The following CAMK2D variants were observed in gnomAD, a reference collection of about 807,000 sequenced individuals.
CAMK2D encodes calcium/calmodulin-dependent protein kinase type II subunit delta.
Under a neutral mutation model 84.0 loss-of-function variants are expected in CAMK2D, and 37 were observed. The observed-to-expected ratio is 0.44, with a 90% CI of 0.34 to 0.58. The LOEUF (loss-of-function observed/expected upper bound fraction) is 0.58. CAMK2D is among the 20% of genes least tolerant of loss of function. The probability of loss-of-function intolerance (pLI) is 0.02; values close to 1 mark genes in which losing one functional copy is unlikely to be tolerated. For synonymous variants in CAMK2D, 202 were observed against 212.5 expected (o/e 0.95, Z 0.43); for missense variants, 448 against 652.5 (o/e 0.69, Z 3.41).
chr4:113,501,602 C>T (rs950796989), intron 15 of CAMK2D, among the ~76,000 whole-genome samples: 1 of 151,946 alleles, frequency 6.6e-6, no homozygotes, highest in Non-Finnish European at 1.5e-5. Flanking sequence ...TAAAGGTGTA[C>T]CCAGAGTCTC....
chr4:113,696,223 CA>C (rs2099402336), intron 2 of CAMK2D, among the ~76,000 whole-genome samples: 4 of 151,298 alleles, frequency 2.6e-5, no homozygotes, highest in Non-Finnish European at 5.9e-5. Flanking sequence ...CACACACACA[CA>C]CACACACATA....
At chr4:113,596,689 T>C (rs957224512) in intron 4 of CAMK2D, among the ~76,000 whole-genome samples, 2 of 152,158 alleles carry the variant, frequency 1.3e-5, no homozygotes, top group Non-Finnish European at 2.9e-5. Context: ...CCCCAGGCAG[T>C]AGATCTCAAT....
At chr4:113,730,403 T>A (rs1044473006) in intron 2 of CAMK2D, among the ~76,000 whole-genome samples, 3 of 152,202 alleles carry the variant, frequency 2.0e-5, no homozygotes, top group Non-Finnish European at 2.9e-5. Context: ...TAATTTTATA[T>A]CCATAGCAGA....
chr4:113,610,664 T>A (rs1380489114), intron 3 of CAMK2D, among the ~76,000 whole-genome samples: 1 of 152,168 alleles, frequency 6.6e-6, no homozygotes, highest in African/African-American at 2.4e-5. Context: ...GGAGGAGGCC[T>A]ATACTGTAGG....
In CAMK2D at chr4:113,513,837, TTTC is replaced by T; in HGVS notation, c.893_895del (p.Arg298del). 6.5e-7 allele frequency: 1 copy of T among 1,532,408 alleles called. No individual in the cohort carries two copies. Among genetic ancestry groups the T allele is most frequent in the Non-Finnish European group, 9.0e-7 (1 of 1,107,844 alleles). The allele number at this position is 1,532,408 out of a possible 1,614,324, so 94.9% of individuals were successfully genotyped here. ...AAATGTAAAATTTCTTACCTTTAGT[TTTC>T]TTCTAGCATTAAATTTCTTCAAGCA... is the stretch of plus-strand genomic sequence containing the variant. On this transcript the variant is annotated inframe_deletion, in exon 11 of 21. Transcript: ENST00000511664.
At chr4:113,516,627 T>C (rs990651997) in intron 9 of CAMK2D, among the ~76,000 whole-genome samples, 4 of 92,452 alleles carry the variant, frequency 4.3e-5, no homozygotes, top group African/African-American at 3.3e-4. Context: ...TCCATCTAAA[T>C]AGAAAATTTT....
At chr4:113,629,472 CATAT>C (rs2099080807) in intron 3 of CAMK2D, among the ~76,000 whole-genome samples, 1 of 151,814 alleles carries the variant, frequency 6.6e-6, no homozygotes, top group Non-Finnish European at 1.5e-5. Flanking sequence ...TGACTCAATG[CATAT>C]ATAAACAAAT....
intron 4 of CAMK2D, 21 bp downstream of exon 4, chr4:113,609,128 AATG>A (rs779822735): frequency 7.4e-7 from 1 of 1,345,506 alleles, no homozygotes; most frequent in South Asian, 1.2e-5. Flanking sequence ...TTGCAAAAAT[AATG>A]AATACAGAGT....
chr4:113,556,176 G>T (rs1290767972), intron 4 of CAMK2D, among the ~76,000 whole-genome samples: 1 of 152,156 alleles, frequency 6.6e-6, no homozygotes, highest in South Asian at 2.1e-4. Flanking sequence ...GCAACCCTAT[G>T]AAGTAGATAC....
chr4:113,714,032 CTTG>C (rs1593437037), intron 2 of CAMK2D, among the ~76,000 whole-genome samples: 2 of 151,972 alleles, frequency 1.3e-5, no homozygotes, highest in African/African-American at 4.8e-5. Flanking sequence ...TCTTCTATAA[CTTG>C]TTGTAACTTG....
At chr4:113,744,904 T>G (rs2099600911) in intron 2 of CAMK2D, among the ~76,000 whole-genome samples, 1 of 152,214 alleles carries the variant, frequency 6.6e-6, no homozygotes, top group African/African-American at 2.4e-5. Context: ...TGTGTATACC[T>G]CAAATACATA....
At chr4:113,593,327 G>T (rs146706182) in intron 4 of CAMK2D, among the ~76,000 whole-genome samples, 2 of 152,318 alleles carry the variant, frequency 1.3e-5, no homozygotes, top group African/African-American at 4.8e-5. Flanking sequence ...GCAAACTGCT[G>T]CCCCTAAAAT....
At chr4:113,457,123 T>C in intron 19 of CAMK2D, 2 of 1,263,680 alleles carry the variant, frequency 1.6e-6, no homozygotes, top group South Asian at 1.6e-5. Flanking sequence ...ACCTATCATA[T>C]ACTGCTCTAT....
At chr4:113,563,080 C>G (rs565636851) in intron 4 of CAMK2D, among the ~76,000 whole-genome samples, 3 of 151,560 alleles carry the variant, frequency 2.0e-5, no homozygotes, top group Non-Finnish European at 4.4e-5. Context: ...ATGGTGAAAC[C>G]CTGTCTCTAC....
intron 2 of CAMK2D, among the ~76,000 whole-genome samples, chr4:113,753,422 T>A (rs2099621651): frequency 6.6e-6 from 1 of 151,952 alleles, no homozygotes; most frequent in Non-Finnish European, 1.5e-5. Context: ...TGTCATTGTG[T>A]CATTGTGTGT....
At chr4:113,481,504 G>C (rs1271911118) in intron 16 of CAMK2D, among the ~76,000 whole-genome samples, 2 of 152,114 alleles carry the variant, frequency 1.3e-5, no homozygotes, top group African/African-American at 4.8e-5. Context: ...TTTTGAGACA[G>C]AGTCTCACTC....
chr4:113,681,741 T>A (rs1442364236), intron 2 of CAMK2D, among the ~76,000 whole-genome samples: 5 of 152,190 alleles, frequency 3.3e-5, no homozygotes, highest in Admixed American at 2.6e-4. Context: ...GCAAAGATCA[T>A]GGATAAAGAC....
intron 4 of CAMK2D, among the ~76,000 whole-genome samples, chr4:113,555,989 G>A (rs1213053038): frequency 6.6e-6 from 1 of 152,100 alleles, no homozygotes; most frequent in African/African-American, 2.4e-5. Flanking sequence ...GCCCTTGCCA[G>A]AACCAGACCA....
At chr4:113,558,933 G>A (rs1049216276) in intron 4 of CAMK2D, among the ~76,000 whole-genome samples, 4 of 152,118 alleles carry the variant, frequency 2.6e-5, no homozygotes, top group African/African-American at 9.7e-5. Context: ...AGAGAGCCAT[G>A]ATCGTACCAC....
Sources: allele counts gnomAD v4.1 joint callset (sites outside exome capture counted in the v4.1 genomes callset), GRCh38; gene constraint gnomAD v4.1.1; transcripts MANE v1.5; gene names NCBI Gene and HGNC (gene_info 2026-07-23, HGNC 2026-07-21).